Variants in ARMH3 observed in about 807,000 individuals in gnomAD.
ARMH3 encodes armadillo-like helical domain-containing protein 3.
ARMH3 carries 60 observed loss-of-function variants against 99.1 expected under a neutral mutation model. The observed-to-expected ratio is 0.61, with a 90% CI of 0.49 to 0.75. The LOEUF (loss-of-function observed/expected upper bound fraction) is 0.75, where lower values mean the gene tolerates loss of function less well. Ranked by LOEUF, ARMH3 falls within the 30% of genes least tolerant of loss-of-function variation. The pLI is 0.00. For missense variants in ARMH3, 679 were observed against 843.1 expected, an observed-to-expected ratio of 0.81 and a Z score of 2.41; for synonymous variants, 285 against 292.8, an observed-to-expected ratio of 0.97 and a Z score of 0.27.
intron 1 of ARMH3, among the ~76,000 whole-genome samples, chr10:102,053,245 A>G (rs1341413768): frequency 2.6e-5 from 4 of 151,492 alleles, no homozygotes; most frequent in African/African-American, 9.7e-5. Context: ...AAAAAGAGAA[A>G]AAAATTCCAA....
In ARMH3 at chr10:101,889,440, T is replaced by G; in HGVS notation, c.1832A>C (p.Asn611Thr). Residue 611 changes from asparagine to threonine, a missense_variant, in exon 24 of 26, where the codon AAT becomes ACT. Asn to Thr is a moderately conservative substitution (Grantham distance 65). This residue lies in a region of ARMH3 where 389 missense variants were observed against 456.5 expected (regional missense o/e 0.85). Transcript: ENST00000370033. ...CTCCTCTGACAGTTGGGATATGTGA[T>G]TCACAGCAGCGTAGGACTCAATTTT... ...NPKIESYAAV[N>T]HISQLSEEQV... is the part of the protein sequence containing the mutation. The G allele has an allele frequency of 6.2e-7, 1 of 1,614,050 alleles. No homozygotes were observed. The highest frequency in any genetic ancestry group is 8.5e-7 in the Non-Finnish European group (1 of 1,179,916).
In ARMH3 at chr10:101,847,272, C is replaced by A. The variant is rs2135241396; in HGVS notation, c.*256G>T. On this transcript the variant is annotated 3_prime_UTR_variant, in exon 26 of 26. Transcript: ENST00000370033. ...GAAATGTGAGGGGCTGTTTAGGGAG[C>A]CCACTCTGGAAGTCCCCACATTCCT... The A allele has an allele frequency of 2.3e-6, 1 of 434,798 alleles. No homozygotes were observed. Among genetic ancestry groups the A allele is most frequent in the East Asian group, 4.2e-5 (1 of 23,764 alleles). 26.9% of individuals were successfully genotyped at this position (434,798 alleles called of 1,614,324 possible).
At chr10:102,023,454 TG>T in intron 8 of ARMH3, 22 bp downstream of exon 8, 1 of 1,596,454 alleles carries the variant, frequency 6.3e-7, no homozygotes, top group African/African-American at 1.3e-5. Context: ...AGATAACAAC[TG>T]TCCACTAAGG....
chr10:101,964,985 C>T (rs1429000289), intron 20 of ARMH3, among the ~76,000 whole-genome samples: 1 of 151,986 alleles, frequency 6.6e-6, no homozygotes, highest in African/African-American at 2.4e-5. Context: ...GCACTCCCAC[C>T]TGGGTGACAG....
chr10:102,016,100 A>ACT (rs2066744854), intron 8 of ARMH3, among the ~76,000 whole-genome samples: 1 of 152,188 alleles, frequency 6.6e-6, no homozygotes, highest in Non-Finnish European at 1.5e-5. Context: ...ACGTCCTTCC[A>ACT]CTCCAGCCTG....
intron 22 of ARMH3, among the ~76,000 whole-genome samples, chr10:101,948,326 G>A (rs149974399): frequency 3.9e-4 from 60 of 152,294 alleles, no homozygotes; most frequent in African/African-American, 1.3e-3. Flanking sequence ...AAGAGTTTGA[G>A]GATGTATTGC....
At chr10:102,003,326 C>G (rs2066411356) in intron 14 of ARMH3, among the ~76,000 whole-genome samples, 1 of 152,078 alleles carries the variant, frequency 6.6e-6, no homozygotes. Context: ...CCATGCCCAG[C>G]TAATTTTTGT....
intron 1 of ARMH3, 21 bp from the exon 2 acceptor site, chr10:102,040,146 T>G (rs2067375590): frequency 6.4e-7 from 1 of 1,574,690 alleles, no homozygotes; most frequent in East Asian, 2.2e-5. Flanking sequence ...AAAGTCACAT[T>G]TTAGAATAGT....
At chr10:101,987,261 C>A (rs1001437247) in intron 19 of ARMH3, among the ~76,000 whole-genome samples, 6 of 152,310 alleles carry the variant, frequency 3.9e-5, no homozygotes, top group Non-Finnish European at 5.9e-5. Context: ...AAACATACCA[C>A]ATTTTCTAGC....
intron 23 of ARMH3, among the ~76,000 whole-genome samples, chr10:101,908,900 C>T (rs944756525): frequency 2.6e-5 from 4 of 151,568 alleles, no homozygotes; most frequent in Non-Finnish European, 5.9e-5. Context: ...TGACCTCAGG[C>T]GATCCACCCG....
intron 11 of ARMH3, 102 bp downstream of exon 11, chr10:102,011,621 G>A: frequency 3.4e-6 from 3 of 888,964 alleles, no homozygotes; most frequent in South Asian, 3.4e-5. Flanking sequence ...TTGTCATCAT[G>A]CCATCACTTC....
intron 16 of ARMH3, among the ~76,000 whole-genome samples, chr10:101,994,291 A>G (rs1450084530): frequency 1.3e-5 from 2 of 152,230 alleles, no homozygotes; most frequent in Non-Finnish European, 2.9e-5. Flanking sequence ...AGATTTTTGA[A>G]AAGCAATTAT....
At chr10:102,017,365 ACT>A (rs1235996991) in intron 8 of ARMH3, among the ~76,000 whole-genome samples, 80 of 152,318 alleles carry the variant, frequency 5.3e-4, no homozygotes, top group African/African-American at 1.9e-3. Context: ...CTTCTGAAAG[ACT>A]AGAGATGCAT....
intron 19 of ARMH3, among the ~76,000 whole-genome samples, chr10:101,976,426 ACG>A (rs1230481389): frequency 1.4e-5 from 2 of 146,606 alleles, no homozygotes; most frequent in Non-Finnish European, 3.0e-5. Flanking sequence ...ACACACACAC[ACG>A]CAATCACATA....
intron 20 of ARMH3, among the ~76,000 whole-genome samples, chr10:101,971,970 G>T (rs1350650575): frequency 6.6e-6 from 1 of 152,192 alleles, no homozygotes; most frequent in African/African-American, 2.4e-5. Flanking sequence ...CAGAGCAATA[G>T]AACTTTTTCC....
chr10:101,878,248 ACT>A (rs1432798519), intron 24 of ARMH3, among the ~76,000 whole-genome samples: 3 of 152,082 alleles, frequency 2.0e-5, no homozygotes, highest in African/African-American at 7.2e-5. Context: ...ACAGAGAGAG[ACT>A]CTGTTTCAAA....
intron 14 of ARMH3, among the ~76,000 whole-genome samples, chr10:102,003,482 G>A (rs562949600): frequency 5.3e-5 from 8 of 152,198 alleles, no homozygotes; most frequent in African/African-American, 1.9e-4. Flanking sequence ...TCTTAATGTA[G>A]GCTTCCCAAA....
chr10:101,876,106 G>T (rs1166753146), intron 24 of ARMH3, among the ~76,000 whole-genome samples: 2 of 151,942 alleles, frequency 1.3e-5, no homozygotes, highest in African/African-American at 2.4e-5. Flanking sequence ...AAAATCAGCT[G>T]GGCATGGTGG....
chr10:101,981,926 G>A (rs1385180570), intron 19 of ARMH3, among the ~76,000 whole-genome samples: 4 of 150,152 alleles, frequency 2.7e-5, no homozygotes, highest in African/African-American at 4.9e-5. Flanking sequence ...GGCTGAGGCA[G>A]GAGAATGGCG....
Sources: gnomAD v4.1 joint callset for allele counts (sites outside exome capture counted in the v4.1 genomes callset) on GRCh38, gnomAD v4.1.1 for gene constraint, gnomAD v4.1.1 regional missense constraint, MANE v1.5 for transcripts, NCBI Gene and HGNC (gene_info 2026-07-23, HGNC 2026-07-21) for gene names.